The following EVC2 variants were observed in gnomAD, a reference collection of about 807,000 sequenced individuals.
EVC2 encodes limbin.
EVC2 carries 148 observed loss-of-function variants against 149.3 expected under a neutral mutation model. The ratio of observed to expected loss-of-function variants is 0.99; its 90% CI spans 0.87 to 1.14. The LOEUF (loss-of-function observed/expected upper bound fraction) is 1.14. EVC2 is among the 50% of genes most tolerant of loss of function. The pLI is 0.00. For synonymous variants in EVC2, 776 were observed against 649.9 expected (o/e 1.19, Z -2.95); for missense variants, 1,854 against 1,627.3 (o/e 1.14, Z -2.40).
intron 1 of EVC2, among the ~76,000 whole-genome samples, chr4:5,706,726 T>A (rs1208654828): frequency 6.6e-6 from 1 of 152,026 alleles, no homozygotes; most frequent in Non-Finnish European, 1.5e-5. Context: ...AGAAGGGCTA[T>A]GCAAGACAGG....
intron 1 of EVC2, among the ~76,000 whole-genome samples, chr4:5,702,778 G>C (rs1224653556): frequency 2.0e-5 from 3 of 152,172 alleles, no homozygotes; most frequent in African/African-American, 7.2e-5. Context: ...GTAGAGCCTA[G>C]ACACCGACAG....
intron 1 of EVC2, among the ~76,000 whole-genome samples, chr4:5,699,551 A>G (rs185541589): frequency 7.9e-4 from 119 of 151,476 alleles, no homozygotes; most frequent in Non-Finnish European, 1.3e-3. Flanking sequence ...ATGTCCATCA[A>G]TGGATGAATG....
chr4:5,659,842 T>A (rs1718766151), intron 9 of EVC2, among the ~76,000 whole-genome samples: 1 of 152,234 alleles, frequency 6.6e-6, no homozygotes, highest in Non-Finnish European at 1.5e-5. Context: ...TTTAAAGTAC[T>A]AATTACTTTA....
chr4:5,631,281 G>A (rs567132705), intron 11 of EVC2, among the ~76,000 whole-genome samples: 28 of 152,146 alleles, frequency 1.8e-4, no homozygotes, highest in Non-Finnish European at 3.4e-4. Flanking sequence ...AGGCTGGAGC[G>A]CAGTGGTGCT....
In EVC2 at chr4:5,677,427, C is replaced by T. The variant is rs1048468661; in HGVS notation, c.870+3833G>A. ...CTGAATGTGGTCCACAGCCTGGGGG[C>T]GCCTGTCCTGGGGGCTGGTGTGGCT... On this transcript the variant is annotated intron_variant, in intron 7 of 21. Coordinates refer to ENST00000344408, the MANE Select transcript of EVC2 (RefSeq NM_147127.5). This position sits in a 1 kb window ranked among gnomAD's most constrained non-coding sequence, Gnocchi z 4.3. Among the ~76,000 whole-genome samples the T allele has an allele frequency of 6.6e-6, 1 of 152,180 alleles. No individual in the cohort carries two copies. Among genetic ancestry groups the T allele is most frequent in the Non-Finnish European group, 1.5e-5 (1 of 68,040 alleles).
intron 16 of EVC2, among the ~76,000 whole-genome samples, chr4:5,593,139 G>A (rs190012130): frequency 1.3e-3 from 197 of 152,244 alleles, no homozygotes; most frequent in East Asian, 4.4e-3. Context: ...CTGCAGAACC[G>A]TGAATCAATT....
At chr4:5,689,424 C>A (rs1720954590) in intron 4 of EVC2, 81 bp from the exon 5 acceptor site, 3 of 1,380,198 alleles carry the variant, frequency 2.2e-6, no homozygotes, top group Admixed American at 3.5e-5. Context: ...CCAGCCTGTG[C>A]ACATTAGGCA....
At chr4:5,664,117 T>C (rs917454857) in intron 8 of EVC2, among the ~76,000 whole-genome samples, 9 of 152,220 alleles carry the variant, frequency 5.9e-5, no homozygotes, top group African/African-American at 2.2e-4. Flanking sequence ...AGTGCTTTCT[T>C]TGTGTTATCA....
chr4:5,666,437 A>C (rs542501285), intron 7 of EVC2, among the ~76,000 whole-genome samples: 1 of 152,290 alleles, frequency 6.6e-6, no homozygotes, highest in African/African-American at 2.4e-5. Context: ...CACTTTATCA[A>C]TTATTCCAAA....
At position 5,650,624 on chromosome 4, in the gene EVC2, TATATATATATATATAGAGAGAGAG is replaced by T. The variant is rs1158258048; in HGVS notation, c.1146-9810_1146-9787del. ...ATCGCCATATATATATATATATATATATATATATATATATAGAGAGAGAGAGAGAGAGAGAGAGAGAGAGAGAGC... is the reference window on the plus strand; with the variant it reads ...ATCGCCATATATATATATATATATATAGAGAGAGAGAGAGAGAGAGAGAGC... On this transcript the variant is annotated intron_variant, in intron 9 of 21. Coordinates refer to ENST00000344408, the MANE Select transcript of EVC2 (RefSeq NM_147127.5). Among the ~76,000 whole-genome samples the T allele has an allele frequency of 1.2e-3, 102 of 84,652 alleles. 2 individuals are homozygous for T. Among genetic ancestry groups the T allele is most frequent in the Admixed American group, 6.1e-3 (45 of 7,326 alleles). 55.5% of individuals were successfully genotyped at this position (84,652 alleles called of 152,430 possible).
In EVC2 at chr4:5,628,624, G is replaced by T. The variant is rs1229046589; in HGVS notation, c.1821C>A (p.Thr607=). The change falls in exon 12 of 22, where the codon ACC becomes ACA. Residue 607 remains threonine (T), a synonymous_variant. Coordinates refer to ENST00000344408, the MANE Select transcript of EVC2 (RefSeq NM_147127.5). The part of the protein sequence containing the change: ...YLVQNLQSSE[T]RVQGLLSTAA... ...CGGTGCTCAGAAGGCCCTGCACACGGGTCTCTGATGACTGGAGGTTCTGGA... is the reference window on the plus strand; with the variant it reads ...CGGTGCTCAGAAGGCCCTGCACACGTGTCTCTGATGACTGGAGGTTCTGGA... The T allele has an allele frequency of 1.9e-6, 3 of 1,613,884 alleles. No individual in the cohort carries two copies. In the African/African-American group the frequency reaches 4.0e-5, roughly 22 times the overall value.
At chr4:5,665,401 G>T in intron 8 of EVC2, 114 bp downstream of exon 8, 1 of 1,524,890 alleles carries the variant, frequency 6.6e-7, no homozygotes. Context: ...GGGTTTTTGT[G>T]CACAGCTCCC....
At chr4:5,561,000 T>A (rs1451870391), downstream of EVC2, among the ~76,000 whole-genome samples, 1 of 152,196 alleles carries the variant, frequency 6.6e-6, no homozygotes, top group African/African-American at 2.4e-5. The surrounding 1 kb of genome is among the most constrained non-coding windows in gnomAD (Gnocchi z 4.1). Context: ...AAGGAGTTAT[T>A]ATTAGGTTCA....
Position 5,636,649 on chromosome 4 carries a change from G to T in EVC2, c.1470+3865C>A, listed in dbSNP as rs1716906654. ...AGAATTTGTGGATTTTGGTATCCAT[G>T]GGGGTGGGATGGTGGGGAGGGTCCT... is the stretch of plus-strand genomic sequence containing the variant. On this transcript the variant is annotated intron_variant, in intron 10 of 21. Transcript: ENST00000344408. This position sits in a 1 kb window ranked among gnomAD's most constrained non-coding sequence, Gnocchi z 4.6. 6.6e-6 allele frequency among the ~76,000 whole-genome samples: 1 copy of T among 152,156 alleles called. No individual in the cohort carries two copies. The highest frequency in any genetic ancestry group is 6.5e-5 in the Admixed American group (1 of 15,282).
chr4:5,616,805 C>T (rs7686063), intron 15 of EVC2, among the ~76,000 whole-genome samples: 41,425 of 151,862 alleles, frequency 0.27, 6,076 homozygotes, highest in East Asian at 0.6. Context: ...AGCACCTTCG[C>T]GAAAAGGAAG....
intron 3 of EVC2, among the ~76,000 whole-genome samples, chr4:5,693,021 C>T (rs192905075): frequency 4.3e-4 from 66 of 152,282 alleles, no homozygotes; most frequent in Non-Finnish European, 7.2e-4. Flanking sequence ...GCCTTTTTAA[C>T]GTGCTGGGAC....
In EVC2 at chr4:5,583,778, CA is replaced by C. The variant is rs200267428; in HGVS notation, c.3057+844del. On this transcript the variant is annotated intron_variant, in intron 17 of 21. Coordinates refer to ENST00000344408, the MANE Select transcript of EVC2 (RefSeq NM_147127.5). Reference sequence around the variant, plus strand: ...TTTGTATATTTTATTAGACTTTTTTCAAAAAAAAATCTCTTCACTTTATCAA... The same window carrying C: ...TTTGTATATTTTATTAGACTTTTTTCAAAAAAAATCTCTTCACTTTATCAA... Among the ~76,000 whole-genome samples, 26 of 148,552 alleles carry C rather than the reference CA, an allele frequency of 1.8e-4. No homozygotes were observed. The South Asian group carries it at 2.1e-3, about 12-fold the overall frequency.
chr4:5,682,356 G>A (rs1168577835), intron 6 of EVC2, among the ~76,000 whole-genome samples: 2 of 151,718 alleles, frequency 1.3e-5, no homozygotes, highest in Non-Finnish European at 2.9e-5. Flanking sequence ...TGGGTGTGGT[G>A]GCGGGCACCT....
At chr4:5,687,033 G>A (rs1272411947) in intron 5 of EVC2, among the ~76,000 whole-genome samples, 2 of 151,870 alleles carry the variant, frequency 1.3e-5, no homozygotes, top group Non-Finnish European at 2.9e-5. Flanking sequence ...AAGGCAGGTG[G>A]ATCACCTGAG....
Sources: gnomAD v4.1 joint callset for allele counts (sites outside exome capture counted in the v4.1 genomes callset) on GRCh38, gnomAD v4.1.1 for gene constraint, Gnocchi (gnomAD v3.1) non-coding constraint, MANE v1.5 for transcripts, NCBI Gene and HGNC (gene_info 2026-07-23, HGNC 2026-07-21) for gene names.